The following TAF1B variants were observed in gnomAD, a reference collection of about 807,000 sequenced individuals.
TAF1B encodes TATA-box binding protein associated factor, RNA polymerase I subunit B.
TAF1B carries 61 observed loss-of-function variants against 83.9 expected under a neutral mutation model. That is an observed-to-expected ratio of 0.73 (90% CI 0.59 to 0.90). TAF1B has a LOEUF of 0.90. Among genes scored for constraint, TAF1B ranks in the 40% least tolerant of loss-of-function variants. The pLI, the probability that TAF1B is intolerant of heterozygous loss-of-function variation, is 0.00. For synonymous variants in TAF1B, 221 were observed against 224.6 expected, an observed-to-expected ratio of 0.98 and a Z score of 0.14; for missense variants, 625 against 677.0, an observed-to-expected ratio of 0.92 and a Z score of 0.85.
chr2:9,912,996 T>C (rs1173780837), intron 11 of TAF1B, among the ~76,000 whole-genome samples, 163 bp from the exon 12 acceptor site: 12 of 152,238 alleles, frequency 7.9e-5, no homozygotes. Context: ...TGAGTTTTTA[T>C]ACTTTACTGC....
At chr2:9,924,049 A>G (rs1665964060) in intron 14 of TAF1B, among the ~76,000 whole-genome samples, 2 of 152,214 alleles carry the variant, frequency 1.3e-5, no homozygotes, top group Non-Finnish European at 2.9e-5. Flanking sequence ...AGAGCTTAGT[A>G]TAGTCAGCGA....
At chr2:9,872,250 C>G (rs947044483) in intron 6 of TAF1B, among the ~76,000 whole-genome samples, 2 of 151,622 alleles carry the variant, frequency 1.3e-5, no homozygotes, top group Non-Finnish European at 2.9e-5. Context: ...GGCTTGAACC[C>G]GGGAGTTGGA....
chr2:9,887,202 A>G (rs1664705307), intron 8 of TAF1B, among the ~76,000 whole-genome samples: 1 of 137,620 alleles, frequency 7.3e-6, no homozygotes, highest in Non-Finnish European at 1.7e-5. Context: ...TATCACATCT[A>G]AACTGTTTCC....
chr2:9,860,925 G>C (rs949323466), intron 5 of TAF1B, among the ~76,000 whole-genome samples: 4 of 152,238 alleles, frequency 2.6e-5, no homozygotes, highest in African/African-American at 9.6e-5. Context: ...TTGCATGGTT[G>C]CTGGGGTCAA....
chr2:9,855,904 A>G (rs1053753988), intron 5 of TAF1B, among the ~76,000 whole-genome samples: 2 of 152,236 alleles, frequency 1.3e-5, no homozygotes, highest in Non-Finnish European at 2.9e-5. Flanking sequence ...CTTGAAGTAT[A>G]GTTTTGACTT....
intron 2 of TAF1B, among the ~76,000 whole-genome samples, chr2:9,846,929 T>C (rs1663223931): frequency 6.6e-6 from 1 of 152,188 alleles, no homozygotes; most frequent in African/African-American, 2.4e-5. Context: ...AGCTAGCAGT[T>C]TTACTCACTG....
intron 8 of TAF1B, 94 bp from the exon 9 acceptor site, chr2:9,904,765 C>A: frequency 7.9e-7 from 1 of 1,265,328 alleles, no homozygotes; most frequent in Non-Finnish European, 1.1e-6. Context: ...TATTTTTTTA[C>A]TTTTTAATAA....
Position 9,919,632 on chromosome 2 carries a change from A to C in TAF1B, c.1377A>C (p.Thr459=), listed in dbSNP as rs1466343501. The C allele has an allele frequency of 6.2e-7, 1 of 1,614,010 alleles. No individual in the cohort carries two copies. Among genetic ancestry groups the C allele is most frequent in the African/African-American group, 1.3e-5 (1 of 74,894 alleles). Residue 459 remains threonine (T), a synonymous_variant, in exon 14 of 15, where the codon ACA becomes ACC. Transcript: ENST00000263663. ...TGAATCTACAGAAACAATTTAGCAC[A>C]CTGGTCGAGTCAACAGCAACTGCTG... ...MVVNLQKQFS[T]LVESTATAGK...
chr2:9,891,080 T>TA (rs1249794448), intron 8 of TAF1B, among the ~76,000 whole-genome samples: 18 of 152,250 alleles, frequency 1.2e-4, no homozygotes, highest in African/African-American at 4.1e-4. Context: ...CCTACTCTCT[T>TA]ACTTTAAATT....
intron 8 of TAF1B, among the ~76,000 whole-genome samples, chr2:9,888,325 T>C (rs1664742394): frequency 6.6e-6 from 1 of 152,132 alleles, no homozygotes; most frequent in African/African-American, 2.4e-5. Flanking sequence ...TTTTTTTCTG[T>C]AAGCAATCAT....
chr2:9,928,250 T>C (rs1286967442), intron 14 of TAF1B, among the ~76,000 whole-genome samples: 1 of 152,258 alleles, frequency 6.6e-6, no homozygotes, highest in Admixed American at 6.5e-5. Context: ...AGTACCATGC[T>C]GTTTTGGTTA....
intron 6 of TAF1B, among the ~76,000 whole-genome samples, chr2:9,875,553 G>A (rs537190846): frequency 4.6e-5 from 7 of 152,238 alleles, no homozygotes; most frequent in South Asian, 2.1e-4. Flanking sequence ...GCAAAGGCAC[G>A]TCTTACATGG....
At chr2:9,870,815 T>G (rs571381818) in intron 6 of TAF1B, among the ~76,000 whole-genome samples, 1 of 151,790 alleles carries the variant, frequency 6.6e-6, no homozygotes, top group South Asian at 2.1e-4. Context: ...CTGAGCTGTA[T>G]AGCTTACTAT....
chr2:9,851,075 G>T (rs1056012262), intron 3 of TAF1B, among the ~76,000 whole-genome samples: 2 of 152,180 alleles, frequency 1.3e-5, no homozygotes, highest in Non-Finnish European at 2.9e-5. Context: ...TCCCTTGTGA[G>T]TTGGAACAGA....
At chr2:9,868,600 C>A in intron 6 of TAF1B, 171 bp downstream of exon 6, 1 of 1,018,572 alleles carries the variant, frequency 9.8e-7, no homozygotes, top group Non-Finnish European at 1.5e-6. Context: ...TAAGTGAAAT[C>A]TTAGCGCAAT....
chr2:9,873,378 CAG>C (rs1316283034), intron 6 of TAF1B, among the ~76,000 whole-genome samples: 1 of 152,176 alleles, frequency 6.6e-6, no homozygotes, highest in Non-Finnish European at 1.5e-5. Context: ...TGTAGCTTCT[CAG>C]GGTCATTCCT....
At chr2:9,880,783 A>G (rs1447354333) in intron 7 of TAF1B, among the ~76,000 whole-genome samples, 1 of 152,196 alleles carries the variant, frequency 6.6e-6, no homozygotes, top group Non-Finnish European at 1.5e-5. Flanking sequence ...AAGACTACAT[A>G]AATAATGAGC....
intron 14 of TAF1B, among the ~76,000 whole-genome samples, chr2:9,924,213 GC>G (rs1361291721): frequency 6.6e-6 from 1 of 152,108 alleles, no homozygotes; most frequent in Non-Finnish European, 1.5e-5. Context: ...AGCAAAAAAG[GC>G]TTCAGCTGGG....
intron 6 of TAF1B, 41 bp downstream of exon 6, chr2:9,868,470 T>TA: frequency 6.3e-7 from 1 of 1,584,900 alleles, no homozygotes; most frequent in East Asian, 2.2e-5. Context: ...TTAAAGCTGT[T>TA]ATGCCCCTTA....
Sources: allele counts gnomAD v4.1 joint callset (sites outside exome capture counted in the v4.1 genomes callset), GRCh38; gene constraint gnomAD v4.1.1; transcripts MANE v1.5; gene names NCBI Gene and HGNC (gene_info 2026-07-23, HGNC 2026-07-21).